Variants in XKR4 observed in about 807,000 individuals in gnomAD.
XKR4 encodes the protein XK related 4.
A neutral mutation model predicts 53.9 loss-of-function variants in XKR4; 12 were observed. The observed-to-expected ratio is 0.22, with a 90% CI of 0.14 to 0.36. The LOEUF is 0.36. Among genes scored for constraint, XKR4 ranks in the 10% least tolerant of loss-of-function variants. XKR4 has a pLI of 1.00. For missense variants in XKR4, 799 were observed against 859.5 expected (o/e 0.93, Z 0.88); for synonymous variants, 354 against 362.4 (o/e 0.98, Z 0.26).
At position 55,530,852 on chromosome 8, in the gene XKR4, C is replaced by T. The variant is rs1419959426; in HGVS notation, c.*6625C>T. ...GGTAATTTTTGTGATCAGGATTACA[C>T]AATACACTTTTTTTTTTCCCTGAGT... On this transcript the variant is annotated 3_prime_UTR_variant, in exon 3 of 3. Coordinates refer to ENST00000327381, the MANE Select transcript of XKR4 (RefSeq NM_052898.2). 1 of 151,946 alleles carries T rather than the reference C, an allele frequency of 6.6e-6. No individual in the cohort carries two copies. Among genetic ancestry groups the T allele is most frequent in the Admixed American group, 6.6e-5 (1 of 15,258 alleles). The allele number at this position is 151,946 out of a possible 1,614,324, so 9.4% of individuals were successfully genotyped here. A position where few individuals can be genotyped will look rare whatever the true frequency, so the allele number is the denominator to read the frequency against.
intron 2 of XKR4, among the ~76,000 whole-genome samples, chr8:55,364,859 C>G (rs1490390150): frequency 1.3e-5 from 2 of 152,172 alleles, no homozygotes; most frequent in Non-Finnish European, 2.9e-5. Context: ...CTCCTGACCT[C>G]TGGTAATCTG....
intron 2 of XKR4, among the ~76,000 whole-genome samples, chr8:55,431,715 G>A (rs1309976780): frequency 1.3e-5 from 2 of 152,172 alleles, no homozygotes; most frequent in South Asian, 2.1e-4. Context: ...TCAGTTCCTA[G>A]CATAAATACA....
intron 2 of XKR4, among the ~76,000 whole-genome samples, chr8:55,384,739 C>G (rs1213356947): frequency 2.0e-5 from 3 of 152,194 alleles, no homozygotes; most frequent in African/African-American, 7.2e-5. Flanking sequence ...GTCAAGAAAA[C>G]CAACCCAAGC....
intron 2 of XKR4, among the ~76,000 whole-genome samples, chr8:55,509,676 A>G (rs1274191151): frequency 1.3e-5 from 2 of 152,198 alleles, no homozygotes; most frequent in East Asian, 3.9e-4. Context: ...ACTAGAAAAG[A>G]TTGGCTGGAC....
At chr8:55,427,865 C>G (rs1488984274) in intron 2 of XKR4, among the ~76,000 whole-genome samples, 1 of 152,150 alleles carries the variant, frequency 6.6e-6, no homozygotes, top group Non-Finnish European at 1.5e-5. Context: ...GAGGCAGACA[C>G]CACTCTCTTA....
intron 1 of XKR4, among the ~76,000 whole-genome samples, chr8:55,314,411 G>GC (rs988997152): frequency 5.9e-5 from 9 of 152,012 alleles, no homozygotes; most frequent in East Asian, 5.8e-4. Context: ...TCTGCCTGAG[G>GC]CCCCCCCATC....
chr8:55,407,739 C>T (rs1804708517), intron 2 of XKR4, among the ~76,000 whole-genome samples: 1 of 152,258 alleles, frequency 6.6e-6, no homozygotes, highest in Non-Finnish European at 1.5e-5. Flanking sequence ...CTAAGAAGGT[C>T]AAGCATTTCA....
At position 55,351,439 on chromosome 8, in the gene XKR4, A is replaced by G. The variant is rs1323813033; in HGVS notation, c.807-6239A>G. Among the ~76,000 whole-genome samples, 3 of 152,178 alleles carry G rather than the reference A, an allele frequency of 2.0e-5. No individual in the cohort carries two copies. The East Asian group carries it at 5.8e-4, about 29-fold the overall frequency. On this transcript the variant is annotated intron_variant, in intron 1 of 2. Transcript: ENST00000327381. ...ACGTCTCATTGTACCAGAAGAGTTCAAGTCCCTGGGGAGCATGTTTGTAGC... is the reference window on the plus strand; with the variant it reads ...ACGTCTCATTGTACCAGAAGAGTTCGAGTCCCTGGGGAGCATGTTTGTAGC...
chr8:55,224,707 T>A lies in XKR4; in HGVS notation c.806+121413T>A, dbSNP rs75215273. Among the ~76,000 whole-genome samples the A allele has an allele frequency of 8.7e-3, 1,331 of 152,332 alleles. 14 individuals are homozygous for A. The highest frequency in any genetic ancestry group is 0.031 in the Middle Eastern group (9 of 294). ...AAGTGTGTTGAGGGTTACTGAGAGA[T>A]GTGTTATGTAGAACTTCCTAAACTC... On this transcript the variant is annotated intron_variant, in intron 1 of 2. Transcript: ENST00000327381.
intron 1 of XKR4, among the ~76,000 whole-genome samples, chr8:55,224,560 CT>C (rs560537802): frequency 1.0e-3 from 158 of 152,232 alleles, no homozygotes; most frequent in Non-Finnish European, 1.9e-3. Context: ...AAAAATAGAA[CT>C]TCCAAAAGTG....
chr8:55,209,123 C>A (rs1056947336), intron 1 of XKR4, among the ~76,000 whole-genome samples: 4 of 152,076 alleles, frequency 2.6e-5, no homozygotes, highest in Non-Finnish European at 4.4e-5. Flanking sequence ...GAAAGCCATC[C>A]CAAGCCAGTA....
At chr8:55,163,631 A>G (rs1817017702) in intron 1 of XKR4, among the ~76,000 whole-genome samples, 1 of 152,178 alleles carries the variant, frequency 6.6e-6, no homozygotes, top group African/African-American at 2.4e-5. Flanking sequence ...TGATCACCTG[A>G]GTTCAGGAGT....
chr8:55,493,927 A>G (rs1585604763), intron 2 of XKR4, among the ~76,000 whole-genome samples: 1 of 152,222 alleles, frequency 6.6e-6, no homozygotes, highest in Non-Finnish European at 1.5e-5. Context: ...TCCATTTGTT[A>G]TAGGATTTTT....
intron 1 of XKR4, among the ~76,000 whole-genome samples, chr8:55,280,071 T>C (rs1370805350): frequency 6.6e-6 from 1 of 152,194 alleles, no homozygotes; most frequent in African/African-American, 2.4e-5. Context: ...TTCATTCAAA[T>C]GCAAGCTATC....
intron 1 of XKR4, among the ~76,000 whole-genome samples, chr8:55,163,338 A>G (rs1817013856): frequency 6.6e-6 from 1 of 152,236 alleles, no homozygotes; most frequent in African/African-American, 2.4e-5. Context: ...CTGCAGGAAG[A>G]GAGGATGAGG....
intron 1 of XKR4, among the ~76,000 whole-genome samples, chr8:55,132,179 G>C (rs746543726): frequency 4.6e-5 from 7 of 152,114 alleles, no homozygotes; most frequent in African/African-American, 1.7e-4. Context: ...TCACATTAAC[G>C]ATCTCCTTTA....
intron 2 of XKR4, among the ~76,000 whole-genome samples, chr8:55,487,184 T>TG (rs1197413219): frequency 6.6e-6 from 1 of 152,170 alleles, no homozygotes; most frequent in Admixed American, 6.5e-5. Flanking sequence ...CCTCTGGACC[T>TG]GGGGGACAGG....
chr8:55,206,941 A>G (rs1041734786), intron 1 of XKR4, among the ~76,000 whole-genome samples: 1 of 152,242 alleles, frequency 6.6e-6, no homozygotes, highest in African/African-American at 2.4e-5. Flanking sequence ...AATAACTGAC[A>G]CATATTAGAA....
intron 2 of XKR4, among the ~76,000 whole-genome samples, chr8:55,365,818 AG>A (rs1279335922): frequency 2.0e-5 from 3 of 152,084 alleles, no homozygotes; most frequent in Non-Finnish European, 2.9e-5. Context: ...TCGTAACTGA[AG>A]GAAGAAGCTC....
Sources: gnomAD v4.1 joint callset for allele counts (sites outside exome capture counted in the v4.1 genomes callset) on GRCh38, gnomAD v4.1.1 for gene constraint, MANE v1.5 for transcripts, NCBI Gene and HGNC (gene_info 2026-07-23, HGNC 2026-07-21) for gene names.